The following CEP83 variants were observed in gnomAD, a reference collection of about 807,000 sequenced individuals.
CEP83 encodes centrosomal protein of 83 kDa.
Under a neutral mutation model 101.9 loss-of-function variants are expected in CEP83, and 70 were observed. That is an observed-to-expected ratio of 0.69 (90% CI 0.57 to 0.84). CEP83 has a LOEUF of 0.84. Ranked by LOEUF, CEP83 falls within the 40% of genes least tolerant of loss-of-function variation. The pLI is 0.00. For missense variants in CEP83, 715 were observed against 787.2 expected (o/e 0.91, Z 1.10); for synonymous variants, 264 against 267.9 (o/e 0.99, Z 0.14).
chr12:94,376,104 T>A, intron 7 of CEP83, 87 bp from the exon 8 acceptor site: 1 of 815,932 alleles, frequency 1.2e-6, no homozygotes, highest in Non-Finnish European at 1.7e-6. Context: ...CATTTATAAT[T>A]ATACTAAAAT....
At chr12:94,370,408 A>G (rs2061245634) in intron 8 of CEP83, among the ~76,000 whole-genome samples, 1 of 152,160 alleles carries the variant, frequency 6.6e-6, no homozygotes, top group African/African-American at 2.4e-5. Context: ...GGGTCTTGCT[A>G]TGTCATCCAG....
the CEP83 span, among the ~76,000 whole-genome samples, chr12:94,278,781 A>G: frequency 6.6e-6 from 1 of 152,142 alleles, no homozygotes; most frequent in Non-Finnish European, 1.5e-5. Flanking sequence ...GCAGATCACA[A>G]GGTCAGGACT....
chr12:94,367,669 G>C (rs536890748), intron 11 of CEP83, 125 bp downstream of exon 11: 2 of 513,326 alleles, frequency 3.9e-6, no homozygotes, highest in African/African-American at 2.0e-5. Flanking sequence ...TGGTTACATA[G>C]GTATTTGTAT....
chr12:94,343,576 G>A (rs1166352039), intron 11 of CEP83, among the ~76,000 whole-genome samples: 7 of 133,852 alleles, frequency 5.2e-5, no homozygotes, highest in South Asian at 2.5e-4. Flanking sequence ...TGCAAGCTCC[G>A]CTTCCCGGGT....
the CEP83 span, among the ~76,000 whole-genome samples, chr12:94,268,061 A>G: frequency 6.6e-6 from 1 of 152,182 alleles, no homozygotes; most frequent in Non-Finnish European, 1.5e-5. Context: ...GAGCATCCTC[A>G]CGAACCACTT....
intron 2 of CEP83, among the ~76,000 whole-genome samples, chr12:94,425,245 G>A (rs951733950): frequency 1.3e-5 from 2 of 152,150 alleles, no homozygotes; most frequent in African/African-American, 4.8e-5. Flanking sequence ...GATGAGCCAA[G>A]ACTGCAATCT....
chr12:94,395,815 T>G (rs2062852695), intron 6 of CEP83, among the ~76,000 whole-genome samples: 3 of 152,260 alleles, frequency 2.0e-5, no homozygotes, highest in Admixed American at 2.0e-4. Context: ...AGTGAGATTC[T>G]GTCTCAAGAA....
intron 11 of CEP83, among the ~76,000 whole-genome samples, chr12:94,352,019 T>C (rs1319360782): frequency 6.6e-6 from 1 of 152,164 alleles, no homozygotes; most frequent in Non-Finnish European, 1.5e-5. Context: ...ACCCAAACAA[T>C]ACTGCAGGAC....
intron 2 of CEP83, among the ~76,000 whole-genome samples, chr12:94,431,398 C>T (rs762919240): frequency 6.6e-6 from 1 of 151,962 alleles, no homozygotes; most frequent in Non-Finnish European, 1.5e-5. Flanking sequence ...AATAGTATGG[C>T]TAACACTTCA....
intron 6 of CEP83, among the ~76,000 whole-genome samples, chr12:94,380,120 A>G (rs2137195975): frequency 6.6e-6 from 1 of 152,088 alleles, no homozygotes; most frequent in East Asian, 1.9e-4. Context: ...AAACTAAAGA[A>G]ATGCTCCAAA....
At chr12:94,399,988 T>C (rs10859694) in intron 6 of CEP83, among the ~76,000 whole-genome samples, 43,648 of 152,074 alleles carry the variant, frequency 0.29, 6,609 homozygotes, top group Non-Finnish European at 0.34. Context: ...CCGATCCAAA[T>C]AGAACAGTTT....
At chr12:94,405,020 C>T (rs541085839) in intron 4 of CEP83, among the ~76,000 whole-genome samples, 1 of 152,082 alleles carries the variant, frequency 6.6e-6, no homozygotes, top group Non-Finnish European at 1.5e-5. Flanking sequence ...GTAGCTGTAG[C>T]TGTGGGAAGA....
chr12:94,361,580 G>C (rs2060762475), intron 11 of CEP83: 1 of 151,866 alleles, frequency 6.6e-6, no homozygotes, highest in African/African-American at 2.4e-5. Context: ...AGAAAACGCA[G>C]GCAACAAAAG....
downstream of CEP83, chr12:94,305,271 T>G: frequency 6.2e-7 from 1 of 1,606,766 alleles, no homozygotes; most frequent in African/African-American, 1.3e-5. Flanking sequence ...AAAGAAGAAA[T>G]GCAAGTGGAT....
chr12:94,414,070 G>T (rs1398551048), intron 2 of CEP83, among the ~76,000 whole-genome samples: 1 of 151,942 alleles, frequency 6.6e-6, no homozygotes, highest in Non-Finnish European at 1.5e-5. Flanking sequence ...CAGTTGTTTT[G>T]GTTTCCTCTG....
the CEP83 span, among the ~76,000 whole-genome samples, chr12:94,284,341 C>T: frequency 2.0e-5 from 3 of 152,064 alleles, no homozygotes; most frequent in African/African-American, 7.2e-5. Context: ...CTGTAAGTTC[C>T]TCCCAAAGTT....
intron 14 of CEP83, among the ~76,000 whole-genome samples, chr12:94,319,344 G>A (rs1486809757): frequency 4.6e-5 from 7 of 152,002 alleles, no homozygotes; most frequent in Middle Eastern, 6.8e-3. Context: ...TTTCAAAAAC[G>A]CAACTCCCGT....
intron 1 of CEP83, among the ~76,000 whole-genome samples, chr12:94,458,315 G>A (rs954782921): frequency 2.6e-5 from 4 of 152,094 alleles, no homozygotes; most frequent in Admixed American, 2.0e-4. Flanking sequence ...TACAGTCCGC[G>A]CACTTCATCT....
Position 94,412,600 on chromosome 12 carries a change from A to C in CEP83, c.-101-9T>G. ...AGGAAGCCAAATTATACCTGCACAG[A>C]GAAATAAACATAATTACATAATTTG... On this transcript the variant is annotated splice_polypyrimidine_tract_variant and intron_variant, in intron 2 of 16. Coordinates refer to ENST00000397809, the MANE Select transcript of CEP83 (RefSeq NM_016122.3). The C allele has an allele frequency of 1.3e-6, 1 of 764,984 alleles. No homozygotes were observed. Among genetic ancestry groups the C allele is most frequent in the South Asian group, 1.8e-5 (1 of 55,482 alleles). The allele number at this position is 764,984 out of a possible 1,614,324, so 47.4% of individuals were successfully genotyped here. A position where few individuals can be genotyped will look rare whatever the true frequency, so the allele number is the denominator to read the frequency against.
Sources: allele counts gnomAD v4.1 joint callset (sites outside exome capture counted in the v4.1 genomes callset), GRCh38; gene constraint gnomAD v4.1.1; transcripts MANE v1.5; gene names NCBI Gene and HGNC (gene_info 2026-07-23, HGNC 2026-07-21).